The following CD5 variants were observed in gnomAD, a reference collection of about 807,000 sequenced individuals.
CD5 encodes T-cell surface glycoprotein CD5.
Under a neutral mutation model 60.3 loss-of-function variants are expected in CD5, and 36 were observed. The observed-to-expected ratio is 0.60, with a 90% CI of 0.46 to 0.79. CD5 has a LOEUF of 0.79. Ranked by LOEUF, CD5 falls within the 30% of genes least tolerant of loss-of-function variation. The pLI is 0.00. For synonymous variants in CD5, 230 were observed against 257.6 expected (o/e 0.89, Z 1.03); for missense variants, 540 against 630.6 (o/e 0.86, Z 1.54).
chr11:61,119,195 G>T (rs368762416), intron 4 of CD5, 39 bp from the exon 5 acceptor site: 3 of 1,518,244 alleles, frequency 2.0e-6, no homozygotes, highest in Non-Finnish European at 2.7e-6. Context: ...AGCCCTCGGC[G>T]CTCAGGGTGG....
intron 2 of CD5, among the ~76,000 whole-genome samples, chr11:61,115,414 C>T (rs1051741473): frequency 2.6e-5 from 4 of 152,152 alleles, no homozygotes; most frequent in African/African-American, 9.7e-5. Context: ...TTATTTCCCA[C>T]CCAATCCTGA....
chr11:61,114,936 C>T, intron 1 of CD5, 120 bp from the exon 2 acceptor site: 1 of 868,150 alleles, frequency 1.2e-6, no homozygotes, highest in South Asian at 1.8e-5. Context: ...TCCCTAAAAC[C>T]CATGATAGTG....
chr11:61,114,734 C>T lies in CD5; in HGVS notation c.56-322C>T, dbSNP rs148748487. 8.8e-4 allele frequency among the ~76,000 whole-genome samples: 134 copies of T among 152,174 alleles called. 3 individuals carry two copies. Among genetic ancestry groups the T allele is most frequent in the African/African-American group, 3.2e-3 (131 of 41,496 alleles). ...AGGGAGTAATGGAACTGGTGTATACCTTGATTGTGATGGTGGTCACACACA... is the reference window on the plus strand; with the variant it reads ...AGGGAGTAATGGAACTGGTGTATACTTTGATTGTGATGGTGGTCACACACA... On this transcript the variant is annotated intron_variant, in intron 1 of 10. Coordinates refer to ENST00000347785, the MANE Select transcript of CD5 (RefSeq NM_014207.4).
intron 2 of CD5, among the ~76,000 whole-genome samples, chr11:61,116,254 T>C (rs1436182263): frequency 6.6e-6 from 1 of 151,466 alleles, no homozygotes; most frequent in East Asian, 1.9e-4. Context: ...TAGTGAAGAG[T>C]CTCACTTCCA....
In CD5 at chr11:61,102,489, G is replaced by C; in HGVS notation, c.-72G>C. 4 of 945,288 alleles carry C rather than the reference G, an allele frequency of 4.2e-6. No individual in the cohort carries two copies. The highest frequency in any genetic ancestry group is 2.9e-4 in the Middle Eastern group (1 of 3,438). The allele number at this position is 945,288 out of a possible 1,614,324, so 58.6% of individuals were successfully genotyped here. On this transcript the variant is annotated 5_prime_UTR_variant, in exon 1 of 11. Transcript: ENST00000347785. Reference sequence around the variant, plus strand: ...CCCCGCCCTCTCCCTCTCTGAGAGCGAGATACCCGGCCAGACACCCTCACC... The same window carrying C: ...CCCCGCCCTCTCCCTCTCTGAGAGCCAGATACCCGGCCAGACACCCTCACC...
chr11:61,100,136 A>C (rs1860643957), upstream of CD5, among the ~76,000 whole-genome samples: 1 of 141,946 alleles, frequency 7.0e-6, no homozygotes, highest in Non-Finnish European at 1.5e-5. Flanking sequence ...CACACACATC[A>C]ACATGGAGAT....
At chr11:61,099,570 C>G (rs1040339298), upstream of CD5, among the ~76,000 whole-genome samples, 7 of 144,706 alleles carry the variant, frequency 4.8e-5, no homozygotes, top group East Asian at 2.0e-4. Context: ...CACACATCAA[C>G]ATGGAGATTC....
At chr11:61,105,108 C>T (rs113201281) in intron 1 of CD5, among the ~76,000 whole-genome samples, 2 of 152,238 alleles carry the variant, frequency 1.3e-5, no homozygotes, top group African/African-American at 2.4e-5. Context: ...TGGCTGGCAT[C>T]GGGGCTTGGG....
chr11:61,123,810 C>CCCCA, intron 7 of CD5, 74 bp from the exon 8 acceptor site: 4 of 605,706 alleles, frequency 6.6e-6, no homozygotes, highest in Non-Finnish European at 9.0e-6. Flanking sequence ...GGCCCAGCCC[C>CCCCA]ATCCCCACCC....
At chr11:61,103,034 G>A (rs761575934) in intron 1 of CD5, among the ~76,000 whole-genome samples, 3 of 152,238 alleles carry the variant, frequency 2.0e-5, no homozygotes, top group Admixed American at 6.5e-5. Flanking sequence ...GAAACTCGCC[G>A]TCTCCGAGGC....
At chr11:61,123,990 G>A in intron 8 of CD5, 53 bp downstream of exon 8, 1 of 1,435,530 alleles carries the variant, frequency 7.0e-7, no homozygotes, top group Non-Finnish European at 9.8e-7. Flanking sequence ...AGAGGCCATG[G>A]AGGCAGAGTC....
chr11:61,118,035 G>T lies in CD5; in HGVS notation c.95-140G>T. The T allele has an allele frequency of 1.2e-6, 1 of 849,818 alleles. No individual in the cohort carries two copies. 52.6% of individuals were successfully genotyped at this position (849,818 alleles called of 1,614,324 possible). ...GAAGCCCCTGCAGTGCCCCAGAAGGGACGAAGCTCACAAGGGGCAAGGCAG... is the reference window on the plus strand; with the variant it reads ...GAAGCCCCTGCAGTGCCCCAGAAGGTACGAAGCTCACAAGGGGCAAGGCAG... On this transcript the variant is annotated intron_variant, in intron 2 of 10. Coordinates refer to ENST00000347785, the MANE Select transcript of CD5 (RefSeq NM_014207.4). The surrounding 1 kb of genome is among the most constrained non-coding windows in gnomAD (Gnocchi z 4.7).
intron 1 of CD5, among the ~76,000 whole-genome samples, chr11:61,110,156 T>C (rs781599420): frequency 6.6e-6 from 1 of 152,050 alleles, no homozygotes; most frequent in Non-Finnish European, 1.5e-5. Flanking sequence ...AAATAGGTTA[T>C]GGACCCTCAA....
intron 5 of CD5, 55 bp downstream of exon 5, chr11:61,119,630 A>G (rs1026230106): frequency 4.6e-6 from 6 of 1,297,990 alleles, no homozygotes; most frequent in Non-Finnish European, 4.3e-6. Flanking sequence ...AGGTGGGGTC[A>G]CAGAGCATCC....
At position 61,119,493 on chromosome 11, in the gene CD5, C is replaced by G. The variant is rs199815445; in HGVS notation, c.723C>G (p.Asn241Lys). The G allele has an allele frequency of 2.0e-4, 323 of 1,614,076 alleles. No individual in the cohort carries two copies. The highest frequency in any genetic ancestry group is 2.4e-4 in the Non-Finnish European group (284 of 1,180,054). ...QPLPIQWKIQ[N>K]SSCTSLEHCF... ...TGCCAATCCAATGGAAGATCCAGAA[C>G]TCAAGCTGTACCTCCCTGGAGCATT... The change falls in exon 5 of 11, where the codon AAC (asparagine) becomes AAG (lysine). Residue 241 changes from asparagine (N) to lysine (K), a missense_variant. Transcript: ENST00000347785.
At chr11:61,099,912 TC>T, upstream of CD5, among the ~76,000 whole-genome samples, 1 of 127,208 alleles carries the variant, frequency 7.9e-6, no homozygotes, top group Middle Eastern at 7.0e-3. Flanking sequence ...CACACACACA[TC>T]AACATGGAGA....
chr11:61,122,956 C>T lies in CD5; in HGVS notation c.1149C>T (p.Ile383=). 1 of 1,614,150 alleles carries T rather than the reference C, an allele frequency of 6.2e-7. No individual in the cohort carries two copies. The highest frequency in any genetic ancestry group is 1.1e-5 in the South Asian group (1 of 91,088). Residue 383 remains isoleucine (I), a synonymous_variant, in exon 7 of 11, where the codon ATC becomes ATT. Coordinates refer to ENST00000347785, the MANE Select transcript of CD5 (RefSeq NM_014207.4). ...TGGCCGCAGGCACGGTGGCAAGCAT[C>T]ATCCTGGCCCTGGTGCTCCTGGTGG... The part of the protein sequence containing the change: ...AGLAAGTVAS[I]ILALVLLVVL...
At chr11:61,121,470 A>C (rs999543867) in intron 5 of CD5, 141 bp from the exon 6 acceptor site, 1 of 571,602 alleles carries the variant, frequency 1.7e-6, no homozygotes, top group East Asian at 3.3e-5. Flanking sequence ...GGCAGAAAAG[A>C]AGGCTGCCTC....
At chr11:61,124,574 C>G (rs1444904547) in intron 8 of CD5, among the ~76,000 whole-genome samples, 1 of 152,182 alleles carries the variant, frequency 6.6e-6, no homozygotes, top group Non-Finnish European at 1.5e-5. Context: ...AGACATGGCG[C>G]TCTTCCTGCC....
Sources: gnomAD v4.1 joint callset for allele counts (sites outside exome capture counted in the v4.1 genomes callset) on GRCh38, gnomAD v4.1.1 for gene constraint, Gnocchi (gnomAD v3.1) non-coding constraint, MANE v1.5 for transcripts, NCBI Gene and HGNC (gene_info 2026-07-23, HGNC 2026-07-21) for gene names.